Variants in AZI2 observed in about 807,000 individuals in gnomAD.
AZI2 encodes 5-azacytidine-induced protein 2.
Under a neutral mutation model 45.8 loss-of-function variants are expected in AZI2, and 22 were observed. That is an observed-to-expected ratio of 0.48 (90% confidence interval 0.34 to 0.69). AZI2 has a LOEUF of 0.69. AZI2 is among the 30% of genes least tolerant of loss of function. AZI2 has a pLI of 0.01. For synonymous variants in AZI2, 137 were observed against 156.7 expected, an observed-to-expected ratio of 0.87 and a Z score of 0.94; for missense variants, 417 against 441.5, an observed-to-expected ratio of 0.94 and a Z score of 0.50.
intron 2 of AZI2, 49 bp from the exon 3 acceptor site, chr3:28,338,664 TA>T: frequency 6.5e-7 from 1 of 1,529,992 alleles, no homozygotes. Flanking sequence ...ATTCTATAGA[TA>T]AAAAATAAGT....
chr3:28,323,041 C>T lies in AZI2; in HGVS notation c.*1001G>A, dbSNP rs1040199783. 1 of 150,808 alleles carries T rather than the reference C, an allele frequency of 6.6e-6. No individual in the cohort carries two copies. Among genetic ancestry groups the T allele is most frequent in the African/African-American group, 2.4e-5 (1 of 41,218 alleles). 9.3% of individuals were successfully genotyped at this position (150,808 alleles called of 1,614,324 possible). ...AGAATAAGTGTGGACATTTCATGAT[C>T]GACAATATCAATACAGCCCAAACCC... On this transcript the variant is annotated 3_prime_UTR_variant, in exon 8 of 8. Coordinates refer to ENST00000479665, the MANE Select transcript of AZI2 (RefSeq NM_022461.5).
intron 7 of AZI2, among the ~76,000 whole-genome samples, chr3:28,326,198 G>C (rs928876692): frequency 6.6e-6 from 1 of 150,936 alleles, no homozygotes; most frequent in Admixed American, 6.6e-5. Flanking sequence ...TATAAAAATA[G>C]CTTTGGCGAA....
chr3:28,323,095 T>A lies in AZI2; in HGVS notation c.*947A>T, dbSNP rs1445756331. The stretch of plus-strand genomic sequence containing the variant: ...TTTCTATGATTAAAAATAATAATTT[T>A]AAATCACTTTCTCAATAAATAGAAT... On this transcript the variant is annotated 3_prime_UTR_variant, in exon 8 of 8. Transcript: ENST00000479665. The A allele has an allele frequency of 6.6e-6, 1 of 151,168 alleles. No individual in the cohort carries two copies. The highest frequency in any genetic ancestry group is 2.4e-5 in the African/African-American group (1 of 41,314). 9.4% of individuals were successfully genotyped at this position (151,168 alleles called of 1,614,324 possible). A position where few individuals can be genotyped will look rare whatever the true frequency, so the allele number is the denominator to read the frequency against.
chr3:28,338,508 G>T lies in AZI2; in HGVS notation c.324C>A (p.Ser108Arg). 1 of 1,571,756 alleles carries T rather than the reference G, an allele frequency of 6.4e-7. No homozygotes were observed. Among genetic ancestry groups the T allele is most frequent in the Non-Finnish European group, 8.7e-7 (1 of 1,149,744 alleles). Residue 108 changes from serine (S) to arginine (R), a missense_variant, in exon 3 of 8, where the codon AGC becomes AGA. By Grantham distance (110) the Ser-to-Arg change is moderately radical. Coordinates refer to ENST00000479665, the MANE Select transcript of AZI2 (RefSeq NM_022461.5). ...EVCIDRDNLKSKLDKMNKDNS... is the reference protein window; with the variant it reads ...EVCIDRDNLKRKLDKMNKDNS... ...ATCAACTTACCATTTTGTCCAGTTT[G>T]CTCTTCAAATTATCTCTATCAATGC...
Position 28,322,902 on chromosome 3 carries a change from C to T in AZI2, c.*1140G>A, listed in dbSNP as rs1211925656. The T allele has an allele frequency of 6.6e-6, 1 of 151,052 alleles. No individual in the cohort carries two copies. Among genetic ancestry groups the T allele is most frequent in the Non-Finnish European group, 1.5e-5 (1 of 67,350 alleles). The allele number at this position is 151,052 out of a possible 1,614,324, so 9.4% of individuals were successfully genotyped here. On this transcript the variant is annotated 3_prime_UTR_variant, in exon 8 of 8. Transcript: ENST00000479665. The stretch of plus-strand genomic sequence containing the variant: ...GATAAAAGTCCTCCTACATGAAATA[C>T]TTTAATTCAGGCAAAAGGTGTATGA...
chr3:28,341,818 A>G (rs1395534877), intron 1 of AZI2, among the ~76,000 whole-genome samples: 1 of 152,134 alleles, frequency 6.6e-6, no homozygotes, highest in Non-Finnish European at 1.5e-5. Context: ...GTGAGTTTTT[A>G]ACTATCCCTT....
At position 28,323,898 on chromosome 3, in the gene AZI2, A is replaced by G. The variant is rs757880361; in HGVS notation, c.*144T>C. 9 of 913,086 alleles carry G rather than the reference A, an allele frequency of 9.9e-6. No individual in the cohort carries two copies. Among genetic ancestry groups the G allele is most frequent in the Non-Finnish European group, 1.1e-5 (7 of 610,254 alleles). 56.6% of individuals were successfully genotyped at this position (913,086 alleles called of 1,614,324 possible). On this transcript the variant is annotated 3_prime_UTR_variant, in exon 8 of 8. Coordinates refer to ENST00000479665, the MANE Select transcript of AZI2 (RefSeq NM_022461.5). ...AACCAACTATGTTGGTTTTTGTACT[A>G]TTGTACAGTGTGTTCAAATATAGAT...
intron 5 of AZI2, among the ~76,000 whole-genome samples, chr3:28,335,740 C>G (rs555185358): frequency 6.6e-6 from 1 of 152,046 alleles, no homozygotes; most frequent in African/African-American, 2.4e-5. Context: ...AGATTCAGGG[C>G]AGAATCTGGA....
rs775122730 is a variant in AZI2, at chr3:28,338,575, C to T, written c.257G>A (p.Arg86Gln). 7.5e-6 allele frequency: 12 copies of T among 1,610,146 alleles called. No individual in the cohort carries two copies. The highest frequency in any genetic ancestry group is 6.6e-5 in the South Asian group (6 of 90,326). The change falls in exon 3 of 8, where the codon CGA becomes CAA. Residue 86 changes from arginine to glutamine, a missense_variant. Arg to Gln is a conservative substitution (Grantham distance 43, BLOSUM62 1). Transcript: ENST00000479665. ...RFEEETSSVG[R>Q]EQVNKAYHAY... The stretch of plus-strand genomic sequence containing the variant: ...ATGATAGGCCTTATTTACTTGTTCT[C>T]GTCCCACGGAACTTGTTTCTTCTTC...
intron 7 of AZI2, among the ~76,000 whole-genome samples, chr3:28,325,427 G>A (rs1188497234): frequency 2.0e-5 from 3 of 150,946 alleles, no homozygotes; most frequent in Non-Finnish European, 4.5e-5. Context: ...AGAACTGGAA[G>A]TGTAGTGTTT....
At chr3:28,326,719 T>C (rs942122515) in intron 7 of AZI2, 113 bp downstream of exon 7, 1 of 847,540 alleles carries the variant, frequency 1.2e-6, no homozygotes, top group African/African-American at 1.7e-5. Flanking sequence ...ATGTACTATA[T>C]ATACTTTGGC....
chr3:28,334,247 A>AT (rs1260403959), intron 5 of AZI2, among the ~76,000 whole-genome samples: 3 of 151,794 alleles, frequency 2.0e-5, no homozygotes, highest in Non-Finnish European at 4.4e-5. Flanking sequence ...CATCTTAAAA[A>AT]TTTTTTTTAA....
Position 28,322,942 on chromosome 3 carries a change from C to T in AZI2, c.*1100G>A, listed in dbSNP as rs1292202616. On this transcript the variant is annotated 3_prime_UTR_variant, in exon 8 of 8. Coordinates refer to ENST00000479665, the MANE Select transcript of AZI2 (RefSeq NM_022461.5). ...AAGGTGTATGAACCAAGTAAATCTC[C>T]ACCCTGAAAGAACTTAAATTTCCAT... is the stretch of plus-strand genomic sequence containing the variant. 1 of 150,404 alleles carries T rather than the reference C, an allele frequency of 6.6e-6. No individual in the cohort carries two copies. Among genetic ancestry groups the T allele is most frequent in the Non-Finnish European group, 1.5e-5 (1 of 66,886 alleles). 9.3% of individuals were successfully genotyped at this position (150,404 alleles called of 1,614,324 possible). A position where few individuals can be genotyped will look rare whatever the true frequency, so the allele number is the denominator to read the frequency against.
intron 7 of AZI2, 137 bp downstream of exon 7, chr3:28,326,695 T>G: frequency 1.3e-6 from 1 of 760,208 alleles, no homozygotes; most frequent in Non-Finnish European, 2.4e-6. Context: ...AAGCAGAGAA[T>G]GGGTAGGCTG....
chr3:28,338,524 C>CT lies in AZI2; in HGVS notation c.307dup (p.Arg103LysfsTer3), dbSNP rs1220421555. On this transcript the variant is annotated frameshift_variant, in exon 3 of 8. Coordinates refer to ENST00000479665, the MANE Select transcript of AZI2 (RefSeq NM_022461.5). LOFTEE classifies it high-confidence loss of function. ...GTCCAGTTTGCTCTTCAAATTATCT[C>CT]TATCAATGCAAACCTCTCGATATGC... 6.3e-7 allele frequency: 1 copy of CT among 1,594,126 alleles called. No homozygotes were observed. Among genetic ancestry groups the CT allele is most frequent in the South Asian group, 1.1e-5 (1 of 88,268 alleles).
At chr3:28,342,825 G>A (rs966657140) in intron 1 of AZI2, among the ~76,000 whole-genome samples, 3 of 151,768 alleles carry the variant, frequency 2.0e-5, no homozygotes, top group Non-Finnish European at 4.4e-5. Flanking sequence ...TTTAAGGAGA[G>A]GTAAAATTGT....
rs920542205 is a variant in AZI2, at chr3:28,322,070, T to C, written c.*1972A>G. 5 of 151,316 alleles carry C rather than the reference T, an allele frequency of 3.3e-5. No homozygotes were observed. Among genetic ancestry groups the C allele is most frequent in the East Asian group, 1.9e-4 (1 of 5,164 alleles). 9.4% of individuals were successfully genotyped at this position (151,316 alleles called of 1,614,324 possible). On this transcript the variant is annotated 3_prime_UTR_variant, in exon 8 of 8. Coordinates refer to ENST00000479665, the MANE Select transcript of AZI2 (RefSeq NM_022461.5). ...TTGAATTTTACCTAGAACAGAGATA[T>C]CAAGTGTAGATTTAAAAGCTTCTAG...
chr3:28,336,615 A>T, intron 5 of AZI2, 122 bp downstream of exon 5: 1 of 1,107,714 alleles, frequency 9.0e-7, no homozygotes, highest in Non-Finnish European at 1.2e-6. Context: ...TTTAAGGAAT[A>T]GAACATTCTC....
In AZI2 at chr3:28,331,866, AT is replaced by A. The variant is rs1703588387; in HGVS notation, c.647+502del. The A allele has an allele frequency of 1.9e-6, 3 of 1,547,990 alleles. No homozygotes were observed. In the East Asian group the frequency reaches 7.4e-5, roughly 38 times the overall value. ...TATATGAACTCTGATGGCTACTTCT[AT>A]TCTTATGCGAAGAGGGAACAGTCCT... On this transcript the variant is annotated intron_variant, in intron 6 of 7. Coordinates refer to ENST00000479665, the MANE Select transcript of AZI2 (RefSeq NM_022461.5).
Sources: allele counts gnomAD v4.1 joint callset (sites outside exome capture counted in the v4.1 genomes callset), GRCh38; gene constraint gnomAD v4.1.1; transcripts MANE v1.5; gene names NCBI Gene and HGNC (gene_info 2026-07-23, HGNC 2026-07-21).